Variants in TENM4 observed in about 807,000 individuals in gnomAD.
The protein encoded by TENM4 is teneurin transmembrane protein 4.
Under a neutral mutation model 243.3 loss-of-function variants are expected in TENM4, and 82 were observed. That is an observed-to-expected ratio of 0.34 (90% CI 0.28 to 0.40). TENM4 has a LOEUF of 0.40. Among genes scored for constraint, TENM4 ranks in the 10% least tolerant of loss-of-function variants. The probability of loss-of-function intolerance (pLI) is 1.00; values close to 1 mark genes in which losing one functional copy is unlikely to be tolerated. For synonymous variants in TENM4, 1,412 were observed against 1,456.3 expected (o/e 0.97, Z 0.69); for missense variants, 3,138 against 3,673.3 (o/e 0.85, Z 3.77).
chr11:79,093,167 C>T (rs1319503471), intron 4 of TENM4: 2 of 152,208 alleles, frequency 1.3e-5, no homozygotes, highest in African/African-American at 4.8e-5. Flanking sequence ...CATAATTTGG[C>T]TAAGGCAATC....
chr11:78,932,945 G>A (rs1056099616), intron 6 of TENM4, among the ~76,000 whole-genome samples: 6 of 152,136 alleles, frequency 3.9e-5, no homozygotes, highest in African/African-American at 1.2e-4. Flanking sequence ...ACAGGTTCGC[G>A]GCCCAGGGTT....
At chr11:79,289,133 C>A (rs1298272820) in intron 2 of TENM4, among the ~76,000 whole-genome samples, 1 of 152,110 alleles carries the variant, frequency 6.6e-6, no homozygotes, top group Non-Finnish European at 1.5e-5. Flanking sequence ...GTGTAGAGGG[C>A]AAAGGTAGCA....
At chr11:78,744,672 C>T (rs1311213311) in intron 19 of TENM4, among the ~76,000 whole-genome samples, 1 of 152,210 alleles carries the variant, frequency 6.6e-6, no homozygotes, top group Non-Finnish European at 1.5e-5. Context: ...ATTGCACGCC[C>T]TTTCTGTAAA....
rs1017274988 is a variant in TENM4, at chr11:78,854,220, G to A, written c.1565C>T (p.Pro522Leu). ...GAAGCCTGTCTCATGGCTGGAGGGGGGCACAGTTCCCCGAGACTGGCGCGG... is the reference window on the plus strand; with the variant it reads ...GAAGCCTGTCTCATGGCTGGAGGGGAGCACAGTTCCCCGAGACTGGCGCGG... ...GTPRQSRGTV[P>L]PSSHETGFIQ... is the part of the protein sequence containing the mutation. The change falls in exon 12 of 34, where the codon CCC becomes CTC. Residue 522 changes from proline (P) to leucine (L), a missense_variant. By Grantham distance (98) the Pro-to-Leu change is moderately conservative. This residue lies in a region of TENM4 where 2,467 missense variants were observed against 3,059.1 expected (regional missense o/e 0.81). Transcript: ENST00000278550. 1.9e-6 allele frequency: 3 copies of A among 1,551,448 alleles called. No homozygotes were observed. Among genetic ancestry groups the A allele is most frequent in the African/African-American group, 1.4e-5 (1 of 73,058 alleles).
chr11:79,199,406 A>T (rs151197619), intron 3 of TENM4, among the ~76,000 whole-genome samples: 2 of 152,336 alleles, frequency 1.3e-5, no homozygotes, highest in African/African-American at 4.8e-5. Flanking sequence ...AAGAATAATA[A>T]TGTCCCTGAC....
chr11:78,818,421 C>A (rs377378183), intron 12 of TENM4, among the ~76,000 whole-genome samples: 2 of 152,150 alleles, frequency 1.3e-5, no homozygotes, highest in Non-Finnish European at 2.9e-5. Flanking sequence ...AGCATAGAAG[C>A]CTGTTTGCTA....
chr11:79,283,401 C>T (rs767333777), intron 2 of TENM4, among the ~76,000 whole-genome samples: 4 of 152,142 alleles, frequency 2.6e-5, no homozygotes, highest in South Asian at 2.1e-4. Context: ...AATTCAAGGT[C>T]GGTTTAACAT....
intron 2 of TENM4, among the ~76,000 whole-genome samples, chr11:79,273,891 G>C (rs1856010159): frequency 6.6e-6 from 1 of 152,224 alleles, no homozygotes; most frequent in South Asian, 2.1e-4. Context: ...AAAGATCTGA[G>C]GGAGAATCAG....
chr11:79,248,311 C>T (rs662533), intron 2 of TENM4, among the ~76,000 whole-genome samples: 22,510 of 152,156 alleles, frequency 0.15, 1,770 homozygotes, highest in African/African-American at 0.22. Flanking sequence ...TCCTGCAAAC[C>T]TCTCCTTCCT....
chr11:79,439,864 T>TGCAGGCTGCTA (rs1406502598), intron 1 of TENM4, among the ~76,000 whole-genome samples: 10 of 152,198 alleles, frequency 6.6e-5, no homozygotes, highest in African/African-American at 2.4e-4. Context: ...CCTCCAAGCG[T>TGCAGGCTGCTA]CCATCTGGCG....
chr11:78,880,036 AAG>A (rs979029225), intron 9 of TENM4, among the ~76,000 whole-genome samples: 2 of 152,148 alleles, frequency 1.3e-5, no homozygotes, highest in African/African-American at 4.8e-5. Flanking sequence ...AGGGAAAAGA[AAG>A]AGAGATCAGA....
intron 29 of TENM4, among the ~76,000 whole-genome samples, chr11:78,687,288 T>C (rs1011684855): frequency 2.0e-5 from 3 of 152,146 alleles, no homozygotes; most frequent in African/African-American, 7.2e-5. Context: ...CGGTGGGTGA[T>C]GTGGTGGCAG....
At chr11:78,956,379 G>C (rs891556910) in intron 6 of TENM4, among the ~76,000 whole-genome samples, 2 of 152,194 alleles carry the variant, frequency 1.3e-5, no homozygotes, top group Non-Finnish European at 2.9e-5. Flanking sequence ...TATCAACTCA[G>C]AGTTGCCAAG....
intron 28 of TENM4, among the ~76,000 whole-genome samples, chr11:78,692,345 CCTAA>C (rs748422173): frequency 1.3e-5 from 2 of 152,130 alleles, no homozygotes; most frequent in Non-Finnish European, 2.9e-5. Context: ...CTGTGTTCCT[CCTAA>C]CTATCAAGTC....
intron 19 of TENM4, among the ~76,000 whole-genome samples, chr11:78,751,027 GCAC>G (rs1856178735): frequency 6.6e-6 from 1 of 152,070 alleles, no homozygotes; most frequent in South Asian, 2.1e-4. Flanking sequence ...CCACAGGCGT[GCAC>G]CACCACACCT....
chr11:79,147,156 C>A (rs1160496053), intron 4 of TENM4, among the ~76,000 whole-genome samples: 1 of 152,084 alleles, frequency 6.6e-6, no homozygotes, highest in Non-Finnish European at 1.5e-5. Flanking sequence ...TTGATACAGT[C>A]CATAATACAT....
chr11:78,863,826 T>C (rs1357056568), intron 9 of TENM4, among the ~76,000 whole-genome samples: 1 of 152,234 alleles, frequency 6.6e-6, no homozygotes, highest in Non-Finnish European at 1.5e-5. Context: ...ACATAAAGCT[T>C]CCAATTCTAG....
intron 17 of TENM4, among the ~76,000 whole-genome samples, chr11:78,775,653 C>A (rs1397240781): frequency 6.6e-6 from 1 of 152,158 alleles, no homozygotes; most frequent in African/African-American, 2.4e-5. Flanking sequence ...TTTCTTAAAG[C>A]AATATGCCCG....
rs145819639 is a variant in TENM4 at position 78,738,612 on chromosome 11, T to C, written c.2757-42A>G. The C allele has an allele frequency of 2.3e-4, 360 of 1,593,496 alleles. 1 individual carries two copies. Among genetic ancestry groups the C allele is most frequent in the African/African-American group, 2.1e-3 (160 of 74,738 alleles). On this transcript the variant is annotated intron_variant, in intron 19 of 33. Transcript: ENST00000278550. ...GAGAATAAACATGATACACCTTTCA[T>C]GGTCAGAGCCCTGGCTGGCAGGGAA...
Sources: allele counts gnomAD v4.1 joint callset (sites outside exome capture counted in the v4.1 genomes callset), GRCh38; gene constraint gnomAD v4.1.1; regional missense constraint gnomAD v4.1.1; transcripts MANE v1.5; gene names NCBI Gene and HGNC (gene_info 2026-07-23, HGNC 2026-07-21).